The following TG variants were observed in gnomAD, a reference collection of about 807,000 sequenced individuals.
TG encodes thyroglobulin.
TG carries 270 observed loss-of-function variants against 324.7 expected under a neutral mutation model. The observed-to-expected ratio is 0.83, with a 90% confidence interval of 0.75 to 0.92. The LOEUF is 0.92. TG is among the 40% of genes least tolerant of loss of function. The probability of loss-of-function intolerance (pLI) is 0.00; values close to 1 mark genes in which losing one functional copy is unlikely to be tolerated. For missense variants in TG, 3,591 were observed against 3,456.4 expected (o/e 1.04, Z -0.98); for synonymous variants, 1,401 against 1,327.0 (o/e 1.06, Z -1.21).
intron 45 of TG, among the ~76,000 whole-genome samples, chr8:133,125,025 T>C (rs1381605867): frequency 6.6e-6 from 1 of 152,130 alleles, no homozygotes; most frequent in Non-Finnish European, 1.5e-5. Context: ...AAATAAATCA[T>C]TTTCTGAAAC....
rs145128712 is a variant in TG at position 133,111,646 on chromosome 8, G to A, written c.7573-1776G>A. Among the ~76,000 whole-genome samples, 1,146 of 152,318 alleles carry A rather than the reference G, an allele frequency of 7.5e-3. 15 individuals carry two copies. Among genetic ancestry groups the A allele is most frequent in the African/African-American group, 0.027 (1,102 of 41,564 alleles). Reference sequence around the variant, plus strand: ...GCGTTGTAGATGGTAAGAGTATGGAGTGTGAACATTATTCGTGAGTGCTAT... The same window carrying A: ...GCGTTGTAGATGGTAAGAGTATGGAATGTGAACATTATTCGTGAGTGCTAT... On this transcript the variant is annotated intron_variant, in intron 43 of 47. Coordinates refer to ENST00000220616, the MANE Select transcript of TG (RefSeq NM_003235.5).
chr8:132,984,701 T>C (rs1831303111), intron 35 of TG, among the ~76,000 whole-genome samples: 1 of 152,154 alleles, frequency 6.6e-6, no homozygotes. Flanking sequence ...CTCAGCACTT[T>C]GGGAGGCTGA....
chr8:133,087,071 TACACACACACACACACAC>T (rs56028043), intron 41 of TG, among the ~76,000 whole-genome samples: 31,140 of 143,102 alleles, frequency 0.22, 3,606 homozygotes, highest in South Asian at 0.31. Context: ...AATATATGTT[TACACACACACACACACAC>T]ACACACACAC....
At chr8:132,972,198 A>C in intron 33 of TG, 1 of 453,020 alleles carries the variant, frequency 2.2e-6, no homozygotes, top group Non-Finnish European at 4.1e-6. Context: ...TGTGTACTTA[A>C]TGCTTGGTTG....
At chr8:133,103,724 C>T (rs1448514850) in intron 43 of TG, among the ~76,000 whole-genome samples, 1 of 152,192 alleles carries the variant, frequency 6.6e-6, no homozygotes, top group African/African-American at 2.4e-5. Flanking sequence ...TGTCCCTTAA[C>T]ACCATAAGGA....
chr8:132,957,796 T>C (rs1827149326), intron 27 of TG, among the ~76,000 whole-genome samples: 1 of 84,184 alleles, frequency 1.2e-5, no homozygotes, highest in Admixed American at 1.3e-4. Context: ...TATGTATATA[T>C]TATTTTTCCA....
chr8:132,953,519 G>C (rs1380421160), intron 27 of TG, among the ~76,000 whole-genome samples: 1 of 152,184 alleles, frequency 6.6e-6, no homozygotes, highest in Non-Finnish European at 1.5e-5. Flanking sequence ...ATCCTTTTCT[G>C]TTTGGTAAAA....
At chr8:132,988,147 G>A (rs1407655816) in intron 35 of TG, among the ~76,000 whole-genome samples, 2 of 151,068 alleles carry the variant, frequency 1.3e-5, no homozygotes, top group Admixed American at 6.6e-5. Flanking sequence ...GTCTAGACTC[G>A]AAAGTCCATC....
chr8:133,043,128 G>A (rs922932200), intron 41 of TG, among the ~76,000 whole-genome samples: 1 of 152,160 alleles, frequency 6.6e-6, no homozygotes, highest in African/African-American at 2.4e-5. Context: ...ACAGATGACT[G>A]TAATCCATTG....
intron 33 of TG, 137 bp downstream of exon 33, chr8:132,972,010 G>T: frequency 1.4e-6 from 1 of 722,760 alleles, no homozygotes; most frequent in Non-Finnish European, 2.5e-6. Flanking sequence ...CTTGGAGAGG[G>T]CAACTGGCTA....
intron 29 of TG, among the ~76,000 whole-genome samples, chr8:132,964,092 G>C (rs1437491511): frequency 4.0e-5 from 6 of 151,850 alleles, no homozygotes; most frequent in Non-Finnish European, 7.4e-5. Context: ...CCTCAACCTC[G>C]GCAGTGCCTT....
Position 133,030,305 on chromosome 8 carries a change from T to C in TG, c.7239+282T>C, listed in dbSNP as rs563557645. On this transcript the variant is annotated intron_variant, in intron 41 of 47. Coordinates refer to ENST00000220616, the MANE Select transcript of TG (RefSeq NM_003235.5). ...CATTAGGATTTAGTGATCTGAACCA[T>C]CAATTATCTCTCTTGTCAATGCATG... is the stretch of plus-strand genomic sequence containing the variant. 4.6e-5 allele frequency among the ~76,000 whole-genome samples: 7 copies of C among 152,308 alleles called. No individual in the cohort carries two copies. In the East Asian group the frequency reaches 1.4e-3, roughly 29 times the overall value.
At chr8:132,938,530 C>T (rs1823944261) in intron 25 of TG, among the ~76,000 whole-genome samples, 1 of 152,200 alleles carries the variant, frequency 6.6e-6, no homozygotes, top group Non-Finnish European at 1.5e-5. Context: ...TAGGCTTCTA[C>T]CACTGCGGTG....
At chr8:132,969,229 T>C (rs923447706) in intron 31 of TG, among the ~76,000 whole-genome samples, 4 of 152,186 alleles carry the variant, frequency 2.6e-5, no homozygotes, top group Non-Finnish European at 5.9e-5. Flanking sequence ...ATATGCTTTC[T>C]AGCTTCCAAC....
chr8:133,068,698 G>A (rs1775492794), intron 41 of TG, among the ~76,000 whole-genome samples: 1 of 152,214 alleles, frequency 6.6e-6, no homozygotes, highest in Non-Finnish European at 1.5e-5. Context: ...ACAGTGAGTG[G>A]GCGTCTTATG....
In TG at chr8:133,021,962, T is replaced by C. The variant is rs369719374; in HGVS notation, c.6877-29T>C. On this transcript the variant is annotated intron_variant, in intron 39 of 47. Transcript: ENST00000220616. Reference sequence around the variant, plus strand: ...ATGGGAAAGGTGCCCTCCCCACACTTTAGCCTCATGTTTCTCCAATACCCA... The same window carrying C: ...ATGGGAAAGGTGCCCTCCCCACACTCTAGCCTCATGTTTCTCCAATACCCA... The C allele has an allele frequency of 8.1e-5, 130 of 1,614,010 alleles. No homozygotes were observed. In the African/African-American group the frequency reaches 1.6e-3, roughly 19 times the overall value.
chr8:132,872,985 C>A, intron 4 of TG, 77 bp from the exon 5 acceptor site: 1 of 1,494,108 alleles, frequency 6.7e-7, no homozygotes. Flanking sequence ...CTAAGGGACA[C>A]GAGTGCATAT....
At chr8:133,013,868 A>G (rs187316417) in intron 37 of TG, 104 bp downstream of exon 37, 1 of 1,456,100 alleles carries the variant, frequency 6.9e-7, no homozygotes, top group South Asian at 1.2e-5. Flanking sequence ...TTTGTTGGCC[A>G]AAGTTCTGGG....
chr8:132,933,434 T>TTGTGTGTG (rs370957018), intron 23 of TG, 127 bp from the exon 24 acceptor site: 66,260 of 676,754 alleles, frequency 0.098, 1,922 homozygotes, highest in African/African-American at 0.25. Context: ...ATCTGCATAT[T>TTGTGTGTG]TGTGTGTGTG....
Sources: gnomAD v4.1 joint callset for allele counts (sites outside exome capture counted in the v4.1 genomes callset) on GRCh38, gnomAD v4.1.1 for gene constraint, MANE v1.5 for transcripts, NCBI Gene and HGNC (gene_info 2026-07-23, HGNC 2026-07-21) for gene names.